PKD2L1: variants seen among roughly 807,000 people sequenced by gnomAD.
PKD2L1 encodes polycystin-2-like protein 1.
PKD2L1 carries 77 observed loss-of-function variants against 93.0 expected under a neutral mutation model. The observed-to-expected ratio is 0.83, with a 90% CI of 0.69 to 1.00. PKD2L1 has a LOEUF of 1.00. Ranked by LOEUF, PKD2L1 falls within the 50% of genes least tolerant of loss-of-function variation. The pLI is 0.00. For synonymous variants in PKD2L1, 390 were observed against 388.0 expected, an observed-to-expected ratio of 1.01 and a Z score of -0.06; for missense variants, 977 against 990.9, an observed-to-expected ratio of 0.99 and a Z score of 0.19.
At chr10:100,305,560 A>G (rs370100932) in intron 2 of PKD2L1, among the ~76,000 whole-genome samples, 16 of 152,344 alleles carry the variant, frequency 1.1e-4, no homozygotes, top group African/African-American at 1.4e-4. Flanking sequence ...AGAACAATAC[A>G]TTCATTCAAG....
At chr10:100,312,921 C>T (rs1354341541) in intron 2 of PKD2L1, among the ~76,000 whole-genome samples, 3 of 151,676 alleles carry the variant, frequency 2.0e-5, no homozygotes, top group African/African-American at 7.3e-5. Flanking sequence ...CGAGACATAG[C>T]ATGAACTTCA....
chr10:100,327,261 G>T (rs529697593), intron 2 of PKD2L1, among the ~76,000 whole-genome samples: 2 of 152,202 alleles, frequency 1.3e-5, no homozygotes, highest in Non-Finnish European at 2.9e-5. Context: ...AGCACCATGG[G>T]AAGGATCACA....
In PKD2L1 at chr10:100,290,141, G is replaced by A. The variant is rs142195598; in HGVS notation, c.2127-3C>T. 883 of 1,614,060 alleles carry A rather than the reference G, an allele frequency of 5.5e-4. 6 individuals are homozygous for A. In the African/African-American group the frequency reaches 0.011, roughly 20 times the overall value. On this transcript the variant is annotated splice_polypyrimidine_tract_variant and splice_region_variant and intron_variant, in intron 13 of 15. Transcript: ENST00000318222. ...GCTGCAGAACTCTCCTTGTGAGCCTGTGTGGGATTTGAGAGAGACGAATGG... is the reference window on the plus strand; with the variant it reads ...GCTGCAGAACTCTCCTTGTGAGCCTATGTGGGATTTGAGAGAGACGAATGG...
At chr10:100,313,472 C>A (rs544661395) in intron 2 of PKD2L1, among the ~76,000 whole-genome samples, 31 of 152,252 alleles carry the variant, frequency 2.0e-4, no homozygotes, top group Non-Finnish European at 4.3e-4. Flanking sequence ...GGAGCGGTAA[C>A]TAAGTTAATA....
chr10:100,288,603 C>G (rs1021672795), intron 15 of PKD2L1, 125 bp from the exon 16 acceptor site: 3 of 672,764 alleles, frequency 4.5e-6, no homozygotes, highest in African/African-American at 3.6e-5. Flanking sequence ...TGGTTTCTAC[C>G]TTTTTCACAG....
At chr10:100,293,231 A>G (rs769077423) in intron 10 of PKD2L1, 50 bp downstream of exon 10, 101 of 1,520,526 alleles carry the variant, frequency 6.6e-5, no homozygotes, top group Non-Finnish European at 8.4e-5. Flanking sequence ...ACAGAGCCTT[A>G]GACTGGGGCA....
chr10:100,325,941 T>C (rs909311965), intron 2 of PKD2L1, among the ~76,000 whole-genome samples: 1 of 152,214 alleles, frequency 6.6e-6, no homozygotes, highest in Non-Finnish European at 1.5e-5. Context: ...CAGCTGATAA[T>C]TGGGGAAGCG....
intron 11 of PKD2L1, among the ~76,000 whole-genome samples, chr10:100,292,237 A>G (rs186421686): frequency 3.2e-4 from 48 of 152,192 alleles, no homozygotes; most frequent in African/African-American, 1.0e-3. Context: ...TTGTCTCCTA[A>G]TCCCAGCACT....
intron 2 of PKD2L1, among the ~76,000 whole-genome samples, chr10:100,312,908 C>G (rs1213669015): frequency 1.3e-5 from 2 of 151,274 alleles, no homozygotes; most frequent in Non-Finnish European, 2.9e-5. Context: ...GGCCCAGAAA[C>G]CTCGAGACAT....
chr10:100,314,338 G>C (rs1291242946), intron 2 of PKD2L1, among the ~76,000 whole-genome samples: 1 of 152,112 alleles, frequency 6.6e-6, no homozygotes, highest in Non-Finnish European at 1.5e-5. Flanking sequence ...GTGAGACAAA[G>C]GACCAGGGAG....
At chr10:100,328,217 G>C (rs897511758) in intron 2 of PKD2L1, among the ~76,000 whole-genome samples, 1 of 152,174 alleles carries the variant, frequency 6.6e-6, no homozygotes, top group Non-Finnish European at 1.5e-5. Flanking sequence ...AATAGCATCT[G>C]TTTGGTCCAA....
chr10:100,289,546 T>C (rs71488054), intron 14 of PKD2L1, among the ~76,000 whole-genome samples: 1 of 151,622 alleles, frequency 6.6e-6, no homozygotes, highest in Non-Finnish European at 1.5e-5. Flanking sequence ...TCTCAAATAA[T>C]AATAATAATA....
At chr10:100,319,683 T>C (rs1030802012) in intron 2 of PKD2L1, among the ~76,000 whole-genome samples, 3 of 152,236 alleles carry the variant, frequency 2.0e-5, no homozygotes, top group African/African-American at 7.2e-5. Context: ...TGCATTTCTT[T>C]ACAACTAGTG....
intron 2 of PKD2L1, among the ~76,000 whole-genome samples, chr10:100,303,431 G>A (rs1589669279): frequency 6.6e-6 from 1 of 152,052 alleles, no homozygotes; most frequent in Non-Finnish European, 1.5e-5. Flanking sequence ...TGATCCGCCC[G>A]CCTCGGCCTC....
At chr10:100,302,077 C>T (rs1037180782) in intron 2 of PKD2L1, among the ~76,000 whole-genome samples, 1 of 152,138 alleles carries the variant, frequency 6.6e-6, no homozygotes, top group Non-Finnish European at 1.5e-5. Flanking sequence ...TCATGTGATC[C>T]GCCCACTTTG....
At chr10:100,298,906 C>T in intron 3 of PKD2L1, 91 bp from the exon 4 acceptor site, 3 of 1,193,278 alleles carry the variant, frequency 2.5e-6, no homozygotes, top group Non-Finnish European at 3.5e-6. Context: ...GACTCCCCAG[C>T]TTGTCTCCAG....
At chr10:100,326,472 A>T (rs1265923325) in intron 2 of PKD2L1, among the ~76,000 whole-genome samples, 1 of 152,118 alleles carries the variant, frequency 6.6e-6, no homozygotes, top group Non-Finnish European at 1.5e-5. Flanking sequence ...CATATCTCTC[A>T]GGTTTTAGCT....
intron 2 of PKD2L1, among the ~76,000 whole-genome samples, chr10:100,314,756 C>T (rs769174363): frequency 2.0e-5 from 3 of 151,538 alleles, no homozygotes; most frequent in Non-Finnish European, 2.9e-5. Context: ...TGAAATGGGC[C>T]GGGTGCGCTG....
rs146598850 is a variant in PKD2L1 at position 100,294,606 on chromosome 10, C to A, written c.1588G>T (p.Asp530Tyr). Residue 530 changes from aspartate to tyrosine, a missense_variant, in exon 9 of 16, where the codon GAC (aspartate) becomes TAC (tyrosine). Physicochemically the swap from Asp to Tyr is radical, Grantham distance 160. Coordinates refer to ENST00000318222, the MANE Select transcript of PKD2L1 (RefSeq NM_016112.3). ...ILGDFDYNAIDNANRILGPAY... is the reference protein window; with the variant it reads ...ILGDFDYNAIYNANRILGPAY... ...GGGCCCAGGATGCGGTTGGCATTGT[C>A]GATAGCATTGTAGTCAAAGTCCCCG... 100 of 1,613,870 alleles carry A rather than the reference C, an allele frequency of 6.2e-5. 1 individual carries two copies. In the South Asian group the frequency reaches 7.6e-4, roughly 12 times the overall value.
Sources: allele counts gnomAD v4.1 joint callset (sites outside exome capture counted in the v4.1 genomes callset), GRCh38; gene constraint gnomAD v4.1.1; transcripts MANE v1.5; gene names NCBI Gene and HGNC (gene_info 2026-07-23, HGNC 2026-07-21).